The following CLASP1 variants were observed in gnomAD, a reference collection of about 807,000 sequenced individuals.
CLASP1 encodes CLIP-associating protein 1.
In CLASP1, 38 loss-of-function variants were observed where a neutral mutation model predicts 192.3. That is an observed-to-expected ratio of 0.20 (90% CI 0.15 to 0.26). The LOEUF (loss-of-function observed/expected upper bound fraction) is 0.26. CLASP1 is among the 10% of genes least tolerant of loss of function. The pLI, the probability that CLASP1 is intolerant of heterozygous loss-of-function variation, is 1.00. For synonymous variants in CLASP1, 691 were observed against 712.8 expected, an observed-to-expected ratio of 0.97 and a Z score of 0.49; for missense variants, 1,433 against 1,932.5, an observed-to-expected ratio of 0.74 and a Z score of 4.85.
At chr2:121,349,239 CAAAAA>C (rs750146940) in intron 37 of CLASP1, among the ~76,000 whole-genome samples, 5 of 138,640 alleles carry the variant, frequency 3.6e-5, no homozygotes, top group Non-Finnish European at 7.9e-5. Context: ...GACTCTGTCT[CAAAAA>C]AAAAAAGAAA....
intron 30 of CLASP1, among the ~76,000 whole-genome samples, chr2:121,388,854 C>T (rs1383339413): frequency 6.6e-6 from 1 of 152,146 alleles, no homozygotes; most frequent in Non-Finnish European, 1.5e-5. Context: ...AAAGACTTTA[C>T]AAACATAAAG....
intron 2 of CLASP1, among the ~76,000 whole-genome samples, chr2:121,540,569 AAG>A (rs1426954899): frequency 6.6e-6 from 1 of 152,066 alleles, no homozygotes; most frequent in African/African-American, 2.4e-5. Context: ...TGGGCGAATC[AAG>A]AGGTCAGGAG....
intron 22 of CLASP1, among the ~76,000 whole-genome samples, chr2:121,423,820 C>T (rs1301803588): frequency 6.6e-6 from 1 of 152,206 alleles, no homozygotes; most frequent in Non-Finnish European, 1.5e-5. Context: ...TTTCTACTTG[C>T]TTTGGAAATA....
chr2:121,361,239 T>C (rs953100624), intron 37 of CLASP1, among the ~76,000 whole-genome samples: 2 of 152,212 alleles, frequency 1.3e-5, no homozygotes, highest in African/African-American at 4.8e-5. Flanking sequence ...GCAGGAGGAC[T>C]GCTTGAACCT....
intron 22 of CLASP1, among the ~76,000 whole-genome samples, chr2:121,419,727 T>C (rs1175747649): frequency 2.0e-5 from 3 of 151,960 alleles, no homozygotes; most frequent in Non-Finnish European, 4.4e-5. Context: ...TGGAAATACA[T>C]TACTGGGAAA....
chr2:121,555,328 G>C (rs957023490), intron 2 of CLASP1, among the ~76,000 whole-genome samples: 26 of 152,188 alleles, frequency 1.7e-4, no homozygotes, highest in Admixed American at 1.2e-3. Context: ...ACCAGCCTGA[G>C]ACAGAAGTTG....
chr2:121,470,764 G>T, intron 8 of CLASP1: 1 of 369,334 alleles, frequency 2.7e-6, no homozygotes, highest in East Asian at 8.0e-5. Context: ...TTATCAGAGA[G>T]GTCATATAAA....
chr2:121,522,136 G>A (rs951289203), intron 6 of CLASP1, among the ~76,000 whole-genome samples: 1 of 152,170 alleles, frequency 6.6e-6, no homozygotes, highest in Non-Finnish European at 1.5e-5. Flanking sequence ...GTGTGTGTGT[G>A]CGCGCACGTG....
At chr2:121,619,115 G>C (rs1271130215) in intron 1 of CLASP1, among the ~76,000 whole-genome samples, 1 of 152,154 alleles carries the variant, frequency 6.6e-6, no homozygotes, top group East Asian at 1.9e-4. Flanking sequence ...TAACTACAAT[G>C]TAATTACGAC....
At chr2:121,417,314 C>A (rs72967367) in intron 23 of CLASP1, among the ~76,000 whole-genome samples, 238 of 152,240 alleles carry the variant, frequency 1.6e-3, no homozygotes, top group African/African-American at 5.4e-3. Context: ...AAGGAAAACA[C>A]TGAATTGCTT....
rs1256479369 is a variant in CLASP1, at chr2:121,372,277, T to C, written c.3643-4446A>G. On this transcript the variant is annotated intron_variant, in intron 34 of 39. Transcript: ENST00000263710. ...CCTTCCTGAAATAGTCTCCCTTATC[T>C]TCTATGCCACCACCCTCTCCTGGTC... Among the ~76,000 whole-genome samples, 5 of 152,334 alleles carry C rather than the reference T, an allele frequency of 3.3e-5. No homozygotes were observed. In the East Asian group the frequency reaches 9.6e-4, roughly 29 times the overall value.
At chr2:121,631,551 G>T (rs1188469266) in intron 1 of CLASP1, among the ~76,000 whole-genome samples, 1 of 151,994 alleles carries the variant, frequency 6.6e-6, no homozygotes, top group Non-Finnish European at 1.5e-5. Context: ...CTCCCAAAGT[G>T]CTGGGATTAC....
At chr2:121,448,657 A>G (rs1389800055) in intron 17 of CLASP1, among the ~76,000 whole-genome samples, 1 of 152,096 alleles carries the variant, frequency 6.6e-6, no homozygotes, top group Non-Finnish European at 1.5e-5. Context: ...CTCTGAGAAG[A>G]CTCTGAAGCA....
intron 30 of CLASP1, among the ~76,000 whole-genome samples, chr2:121,388,323 G>A (rs192438126): frequency 6.6e-6 from 1 of 152,304 alleles, no homozygotes; most frequent in African/African-American, 2.4e-5. Flanking sequence ...TAAACAAGCT[G>A]CATTAGGTTA....
At chr2:121,376,381 ATGGATGAAC>A (rs934849223) in intron 34 of CLASP1, among the ~76,000 whole-genome samples, 23 of 152,310 alleles carry the variant, frequency 1.5e-4, no homozygotes, top group African/African-American at 5.5e-4. Context: ...TCACAGCAAC[ATGGATGAAC>A]TGGAGGACAT....
At chr2:121,512,074 G>T (rs1379553312) in intron 7 of CLASP1, among the ~76,000 whole-genome samples, 1 of 152,162 alleles carries the variant, frequency 6.6e-6, no homozygotes, top group Admixed American at 6.5e-5. Flanking sequence ...TTTTAAAAAA[G>T]TAGTTCCCAA....
Position 121,586,283 on chromosome 2 carries a change from C to T in CLASP1, c.195+19418G>A, listed in dbSNP as rs540383790. 7.2e-5 allele frequency among the ~76,000 whole-genome samples: 11 copies of T among 152,202 alleles called. 1 individual carries two copies. Among genetic ancestry groups the T allele is most frequent in the African/African-American group, 9.6e-5 (4 of 41,526 alleles). Reference sequence around the variant, plus strand: ...CTGGGATTCCAGGCACACGCCACCACGCCCAGCTAATTTTTGTATTTTTAA... The same window carrying T: ...CTGGGATTCCAGGCACACGCCACCATGCCCAGCTAATTTTTGTATTTTTAA... On this transcript the variant is annotated intron_variant, in intron 2 of 39. Coordinates refer to ENST00000263710, the Ensembl canonical transcript of CLASP1.
chr2:121,410,092 T>A (rs1292804115), intron 24 of CLASP1, among the ~76,000 whole-genome samples: 1 of 152,168 alleles, frequency 6.6e-6, no homozygotes, highest in East Asian at 1.9e-4. Context: ...TTTTTTCCCT[T>A]ACAAGAGAAT....
At chr2:121,448,302 C>T in exon 18 of CLASP1, 1 of 1,613,592 alleles carries the variant, frequency 6.2e-7, no homozygotes, top group Non-Finnish European at 8.5e-7. Context: ...TCCAGTAGGA[C>T]TTCTTTTGGC....
Sources: gnomAD v4.1 joint callset for allele counts (sites outside exome capture counted in the v4.1 genomes callset) on GRCh38, gnomAD v4.1.1 for gene constraint, MANE v1.5 for transcripts, NCBI Gene and HGNC (gene_info 2026-07-23, HGNC 2026-07-21) for gene names.